MAD1L1: variants seen among roughly 807,000 people sequenced by gnomAD.
MAD1L1 encodes the protein mitotic spindle assembly checkpoint protein MAD1.
Under a neutral mutation model 96.9 loss-of-function variants are expected in MAD1L1, and 95 were observed. The observed-to-expected ratio is 0.98, with a 90% CI of 0.83 to 1.16. MAD1L1 has a LOEUF of 1.16. Among genes scored for constraint, MAD1L1 ranks in the 50% most tolerant of loss-of-function variants. The pLI is 0.00. For synonymous variants in MAD1L1, 473 were observed against 396.6 expected, an observed-to-expected ratio of 1.19 and a Z score of -2.29; for missense variants, 1,007 against 954.4, an observed-to-expected ratio of 1.06 and a Z score of -0.73.
intron 15 of MAD1L1, among the ~76,000 whole-genome samples, chr7:1,962,114 C>A (rs1417878614): frequency 6.6e-6 from 1 of 152,188 alleles, no homozygotes; most frequent in Non-Finnish European, 1.5e-5. Context: ...GGCGGTTTCC[C>A]CCATACCATT....
At chr7:2,085,385 G>A (rs1278147498) in intron 11 of MAD1L1, among the ~76,000 whole-genome samples, 1 of 152,210 alleles carries the variant, frequency 6.6e-6, no homozygotes, top group Admixed American at 6.5e-5. Context: ...ACACACCCCA[G>A]GAGAGCAGCG....
At chr7:1,993,614 C>A (rs917916026) in intron 14 of MAD1L1, among the ~76,000 whole-genome samples, 3 of 152,200 alleles carry the variant, frequency 2.0e-5, no homozygotes, top group Non-Finnish European at 2.9e-5. Context: ...AAATCCTCTA[C>A]AACCAAGGCT....
chr7:1,940,111 A>G (rs1778876145), intron 16 of MAD1L1: 1 of 152,296 alleles, frequency 6.6e-6, no homozygotes, highest in South Asian at 2.1e-4. Context: ...CTCCGGCCCC[A>G]TGGCACGATG....
intron 10 of MAD1L1, among the ~76,000 whole-genome samples, chr7:2,157,106 G>A (rs1468629286): frequency 6.6e-6 from 1 of 152,172 alleles, no homozygotes; most frequent in Non-Finnish European, 1.5e-5. Flanking sequence ...ACCTGAAACT[G>A]CATGACACCT....
intron 16 of MAD1L1, 138 bp downstream of exon 16, chr7:1,957,491 C>A (rs1285776097): frequency 1.2e-6 from 1 of 834,826 alleles, no homozygotes; most frequent in Admixed American, 2.4e-5. Context: ...CAAGGGGGTG[C>A]ACATGGGAGG....
rs1400087526 is a variant in MAD1L1 at position 2,103,969 on chromosome 7, T to C, written c.1074-34631A>G. 2.6e-5 allele frequency among the ~76,000 whole-genome samples: 4 copies of C among 152,186 alleles called. No homozygotes were observed. The highest frequency in any genetic ancestry group is 2.9e-5 in the Non-Finnish European group (2 of 68,036). On this transcript the variant is annotated intron_variant, in intron 11 of 18. Transcript: ENST00000265854. This position sits in a 1 kb window ranked among gnomAD's most constrained non-coding sequence, Gnocchi z 4.3. Reference sequence around the variant, plus strand: ...CAGACACATGGCAGAGAATCAAATATGCAGCCGGTGTCTGGAAATCATTCA... The same window carrying C: ...CAGACACATGGCAGAGAATCAAATACGCAGCCGGTGTCTGGAAATCATTCA...
intron 18 of MAD1L1, among the ~76,000 whole-genome samples, chr7:1,824,934 C>T (rs1782313586): frequency 6.6e-6 from 1 of 151,622 alleles, no homozygotes; most frequent in Admixed American, 6.6e-5. Context: ...GTGAGAAAAC[C>T]CTTCAAGTTC....
At chr7:2,077,639 C>G (rs1334780569) in intron 11 of MAD1L1, among the ~76,000 whole-genome samples, 2 of 152,210 alleles carry the variant, frequency 1.3e-5, no homozygotes, top group East Asian at 3.8e-4. Context: ...TAACTGGTGG[C>G]CTGGAGCAGG....
chr7:2,146,482 G>A lies in MAD1L1; in HGVS notation c.1073+2670C>T, dbSNP rs1405394388. ...GGCGAGAACAGCGTTCACTACCAGG[G>A]AAAGATGGACACGGCCAACATACTT... On this transcript the variant is annotated intron_variant, in intron 11 of 18. Coordinates refer to ENST00000265854, the MANE Select transcript of MAD1L1 (RefSeq NM_001013836.2). The surrounding 1 kb of genome is among the most constrained non-coding windows in gnomAD (Gnocchi z 6.2). Among the ~76,000 whole-genome samples, 3 of 152,230 alleles carry A rather than the reference G, an allele frequency of 2.0e-5. No individual in the cohort carries two copies. Among genetic ancestry groups the A allele is most frequent in the Non-Finnish European group, 2.9e-5 (2 of 68,042 alleles).
intron 14 of MAD1L1, among the ~76,000 whole-genome samples, chr7:1,999,192 A>G (rs1199828300): frequency 6.6e-6 from 1 of 152,256 alleles, no homozygotes; most frequent in Admixed American, 6.5e-5. Context: ...GTTCCCCTGC[A>G]AACTACATCA....
At chr7:2,176,851 C>T (rs1790972129) in intron 10 of MAD1L1, among the ~76,000 whole-genome samples, 1 of 152,142 alleles carries the variant, frequency 6.6e-6, no homozygotes, top group Non-Finnish European at 1.5e-5. Flanking sequence ...ATCAATAATA[C>T]AAAATTCTTA....
intron 18 of MAD1L1, among the ~76,000 whole-genome samples, chr7:1,860,137 C>T (rs1436013124): frequency 3.8e-5 from 5 of 133,294 alleles, no homozygotes; most frequent in African/African-American, 5.8e-5. Context: ...TGACATCTGG[C>T]GGGGCGGCCT....
chr7:1,856,288 G>A (rs1784246887), intron 18 of MAD1L1, among the ~76,000 whole-genome samples: 2 of 152,210 alleles, frequency 1.3e-5, no homozygotes, highest in Admixed American at 6.5e-5. Flanking sequence ...ATGAAGGGAA[G>A]GAACATCTCG....
intron 18 of MAD1L1, among the ~76,000 whole-genome samples, chr7:1,869,536 C>G (rs1784943312): frequency 6.6e-6 from 1 of 152,134 alleles, no homozygotes; most frequent in Non-Finnish European, 1.5e-5. Context: ...GCTGCCTCCC[C>G]TTCTCTCCAA....
intron 16 of MAD1L1, among the ~76,000 whole-genome samples, chr7:1,947,273 A>G (rs1300816265): frequency 6.6e-6 from 1 of 152,228 alleles, no homozygotes; most frequent in Non-Finnish European, 1.5e-5. Context: ...GCCTCCAGCA[A>G]GGCCCAGGCA....
intron 15 of MAD1L1, among the ~76,000 whole-genome samples, chr7:1,972,683 A>T (rs899243924): frequency 7.3e-5 from 11 of 151,264 alleles, no homozygotes; most frequent in Admixed American, 7.2e-4. Flanking sequence ...CTTTTTGCTC[A>T]TGTTATTTCC....
At chr7:2,024,755 G>C (rs1391509420) in intron 12 of MAD1L1, among the ~76,000 whole-genome samples, 1 of 152,090 alleles carries the variant, frequency 6.6e-6, no homozygotes, top group Non-Finnish European at 1.5e-5. Flanking sequence ...CCCCAGCCCT[G>C]GGTTCAGCCA....
chr7:2,196,223 G>A (rs1791978680), intron 10 of MAD1L1, among the ~76,000 whole-genome samples: 1 of 152,236 alleles, frequency 6.6e-6, no homozygotes, highest in Admixed American at 6.5e-5. Context: ...AACAGGCTTT[G>A]TCAACTACAC....
At chr7:2,180,029 C>CA (rs1053295634) in intron 10 of MAD1L1, among the ~76,000 whole-genome samples, 15 of 152,080 alleles carry the variant, frequency 9.9e-5, no homozygotes, top group Admixed American at 9.8e-4. Flanking sequence ...CTCCCCTAAT[C>CA]TCTCCCAGGG....
Sources: allele counts gnomAD v4.1 joint callset (sites outside exome capture counted in the v4.1 genomes callset), GRCh38; gene constraint gnomAD v4.1.1; non-coding constraint Gnocchi (gnomAD v3.1); transcripts MANE v1.5; gene names NCBI Gene and HGNC (gene_info 2026-07-23, HGNC 2026-07-21).